The following GLCCI1 variants were observed in gnomAD, a reference collection of about 807,000 sequenced individuals.
GLCCI1 encodes the protein glucocorticoid induced 1, also known as glucocorticoid-induced transcript 1 protein.
Under a neutral mutation model 52.2 loss-of-function variants are expected in GLCCI1, and 24 were observed. The ratio of observed to expected loss-of-function variants is 0.46; its 90% CI spans 0.33 to 0.65. GLCCI1 has a LOEUF of 0.65. Ranked by LOEUF, GLCCI1 falls within the 30% of genes least tolerant of loss-of-function variation. GLCCI1 has a pLI of 0.02. For missense variants in GLCCI1, 704 were observed against 701.5 expected (o/e 1.00, Z -0.04); for synonymous variants, 310 against 276.5 (o/e 1.12, Z -1.20).
In GLCCI1 at chr7:8,006,175, G is replaced by A. The variant is rs117505644; in HGVS notation, c.609+2116G>A. Among the ~76,000 whole-genome samples, 526 of 152,318 alleles carry A rather than the reference G, an allele frequency of 3.5e-3. 1 individual carries two copies. The highest frequency in any genetic ancestry group is 5.4e-3 in the Non-Finnish European group (364 of 68,030). ...CCAGAGAAAGAGCGAAAGGCTAAGT[G>A]AAAAACTGGAATAGTGAAGCCTTAG... is the stretch of plus-strand genomic sequence containing the variant. On this transcript the variant is annotated intron_variant, in intron 2 of 7. Transcript: ENST00000223145.
rs71014746 is a variant in GLCCI1 at position 8,012,432 on chromosome 7, C to CTTTTTTTTTTTTTTTTTTTTTTTTTTTTT, written c.609+8375_609+8403dup. Among the ~76,000 whole-genome samples, 2 of 70,396 alleles carry CTTTTTTTTTTTTTTTTTTTTTTTTTTTTT rather than the reference C, an allele frequency of 2.8e-5. 1 individual carries two copies. The highest frequency in any genetic ancestry group is 1.1e-4 in the African/African-American group (2 of 17,404). 46.2% of individuals were successfully genotyped at this position (70,396 alleles called of 152,430 possible). ...CCATTCTGTGGGTTGCCTTTTTATT[C>CTTTTTTTTTTTTTTTTTTTTTTTTTTTTT]TTTTTTTTTTTTTTTTTTTTTTTTT... On this transcript the variant is annotated intron_variant, in intron 2 of 7. Transcript: ENST00000223145.
At chr7:8,056,961 A>G (rs889446014) in intron 4 of GLCCI1, among the ~76,000 whole-genome samples, 1 of 152,192 alleles carries the variant, frequency 6.6e-6, no homozygotes, top group South Asian at 2.1e-4. Context: ...CTTACATATG[A>G]TATTATATAT....
chr7:8,015,374 G>A (rs1781357283), intron 2 of GLCCI1, among the ~76,000 whole-genome samples: 1 of 152,186 alleles, frequency 6.6e-6, no homozygotes. Flanking sequence ...CAAAGGGCTT[G>A]CTTTTGAAAT....
intron 3 of GLCCI1, among the ~76,000 whole-genome samples, chr7:8,028,387 G>A (rs968783528): frequency 2.0e-5 from 3 of 151,736 alleles, no homozygotes; most frequent in African/African-American, 7.3e-5. Context: ...AAATGAAGAA[G>A]GAAATTGAAA....
At chr7:7,970,282 G>A (rs1005530430) in intron 1 of GLCCI1, among the ~76,000 whole-genome samples, 3 of 152,170 alleles carry the variant, frequency 2.0e-5, no homozygotes, top group Non-Finnish European at 2.9e-5. Flanking sequence ...TTCGATGTAA[G>A]GATATCGGCT....
In GLCCI1 at chr7:7,969,224, CAGCGATA is replaced by C; in HGVS notation, c.-126_-120del. ...GGGGAGCCCCGAGACTCCTCCCCCA[CAGCGATA>C]CCCCCGCCCCTCCCCCTTACACACT... On this transcript the variant is annotated 5_prime_UTR_variant, in exon 1 of 8. Coordinates refer to ENST00000223145, the MANE Select transcript of GLCCI1 (RefSeq NM_138426.4). The surrounding 1 kb of genome is among the most constrained non-coding windows in gnomAD (Gnocchi z 4.9). The C allele has an allele frequency of 3.8e-6, 3 of 799,544 alleles. No homozygotes were observed. The highest frequency in any genetic ancestry group is 3.2e-6 in the Non-Finnish European group (2 of 621,176). 49.5% of individuals were successfully genotyped at this position (799,544 alleles called of 1,614,324 possible). A position where few individuals can be genotyped will look rare whatever the true frequency, so the allele number is the denominator to read the frequency against.
chr7:8,014,028 C>T (rs1258171387), intron 2 of GLCCI1, among the ~76,000 whole-genome samples: 2 of 141,246 alleles, frequency 1.4e-5, no homozygotes, highest in African/African-American at 2.7e-5. Flanking sequence ...CTTGCTCTGT[C>T]GCCCAGGCTG....
At chr7:8,023,384 T>G (rs979458039) in intron 3 of GLCCI1, among the ~76,000 whole-genome samples, 3 of 152,136 alleles carry the variant, frequency 2.0e-5, no homozygotes, top group African/African-American at 7.2e-5. Context: ...TTAGTTTCTA[T>G]GACCCGTTTC....
At chr7:8,065,191 G>C (rs995620877) in intron 5 of GLCCI1, among the ~76,000 whole-genome samples, 2 of 152,092 alleles carry the variant, frequency 1.3e-5, no homozygotes, top group Admixed American at 6.5e-5. Flanking sequence ...ATTGTGTTCT[G>C]TATTTGTCTC....
chr7:7,985,712 G>T (rs1403282884), intron 1 of GLCCI1, among the ~76,000 whole-genome samples: 1 of 152,162 alleles, frequency 6.6e-6, no homozygotes, highest in African/African-American at 2.4e-5. Flanking sequence ...GTGTAAGTTT[G>T]TTGTGTGTGG....
chr7:8,021,867 C>G (rs1405149709), intron 2 of GLCCI1, among the ~76,000 whole-genome samples: 1 of 152,122 alleles, frequency 6.6e-6, no homozygotes, highest in East Asian at 1.9e-4. Context: ...ACATATGGTT[C>G]AGGTTTTTTA....
chr7:8,016,192 G>A (rs754069399), intron 2 of GLCCI1, among the ~76,000 whole-genome samples: 97 of 152,252 alleles, frequency 6.4e-4, no homozygotes, highest in South Asian at 1.9e-3. Flanking sequence ...AAGATCGCCC[G>A]GGCGCGGTGG....
chr7:8,041,213 C>T (rs960106008), intron 3 of GLCCI1, among the ~76,000 whole-genome samples: 12 of 152,152 alleles, frequency 7.9e-5, no homozygotes, highest in African/African-American at 2.9e-4. Flanking sequence ...TCAAACCAGC[C>T]ACAACATTCC....
At chr7:8,015,501 T>TA (rs1230285964) in intron 2 of GLCCI1, among the ~76,000 whole-genome samples, 2 of 152,222 alleles carry the variant, frequency 1.3e-5, no homozygotes, top group African/African-American at 4.8e-5. Context: ...TCTAGGGGTC[T>TA]AAATTATTTT....
intron 3 of GLCCI1, among the ~76,000 whole-genome samples, chr7:8,038,891 A>G (rs1239654288): frequency 2.6e-5 from 4 of 152,192 alleles, no homozygotes; most frequent in African/African-American, 9.6e-5. Context: ...CAGAATCTAC[A>G]AGGAAGTCAA....
At chr7:8,042,492 T>C (rs1208101547) in intron 3 of GLCCI1, among the ~76,000 whole-genome samples, 1 of 152,080 alleles carries the variant, frequency 6.6e-6, no homozygotes, top group Non-Finnish European at 1.5e-5. Flanking sequence ...GCAGATGTGG[T>C]GGAAATAGCA....
intron 6 of GLCCI1, among the ~76,000 whole-genome samples, chr7:8,078,006 A>G (rs6463758): frequency 0.61 from 91,939 of 151,542 alleles, 28,645 homozygotes; most frequent in African/African-American, 0.76. Context: ...AGGCCAAGGC[A>G]GGCGGATAAC....
intron 4 of GLCCI1, among the ~76,000 whole-genome samples, chr7:8,058,137 C>G (rs1584007352): frequency 6.6e-6 from 1 of 151,976 alleles, no homozygotes; most frequent in African/African-American, 2.4e-5. Flanking sequence ...TATAAACATA[C>G]CCAAATTCAG....
At chr7:8,060,849 A>T (rs1188464002) in intron 5 of GLCCI1, among the ~76,000 whole-genome samples, 1 of 152,166 alleles carries the variant, frequency 6.6e-6, no homozygotes, top group Non-Finnish European at 1.5e-5. Context: ...AGGGTTGGAA[A>T]TGCTAACATG....
Sources: gnomAD v4.1 joint callset for allele counts (sites outside exome capture counted in the v4.1 genomes callset) on GRCh38, gnomAD v4.1.1 for gene constraint, Gnocchi (gnomAD v3.1) non-coding constraint, MANE v1.5 for transcripts, NCBI Gene and HGNC (gene_info 2026-07-23, HGNC 2026-07-21) for gene names.